CLSTN1: variants seen among roughly 807,000 people sequenced by gnomAD.
The protein encoded by CLSTN1 is calsyntenin 1.
A neutral mutation model predicts 108.3 loss-of-function variants in CLSTN1; 28 were observed. The observed-to-expected ratio is 0.26, with a 90% CI of 0.19 to 0.35. CLSTN1 has a LOEUF of 0.35. CLSTN1 is among the 10% of genes least tolerant of loss of function. CLSTN1 has a pLI of 1.00. For synonymous variants in CLSTN1, 524 were observed against 534.9 expected (o/e 0.98, Z 0.28); for missense variants, 1,157 against 1,302.6 (o/e 0.89, Z 1.72).
chr1:9,782,092 A>C (rs907700521), intron 1 of CLSTN1, among the ~76,000 whole-genome samples: 37 of 152,222 alleles, frequency 2.4e-4, no homozygotes, highest in African/African-American at 8.7e-4. Flanking sequence ...CATTTCTTGC[A>C]ATCTGATCTT....
At chr1:9,792,108 C>T (rs1275655187) in intron 1 of CLSTN1, among the ~76,000 whole-genome samples, 2 of 150,838 alleles carry the variant, frequency 1.3e-5, no homozygotes, top group Non-Finnish European at 2.9e-5. Context: ...TTTGAACCTG[C>T]GAGGTGGAGG....
Position 9,782,271 on chromosome 1 carries a change from G to A in CLSTN1, c.92-8877C>T, listed in dbSNP as rs140602241. Reference sequence around the variant, plus strand: ...AATTCGAATCATTTACAGCTAATGAGAATGTTTTCTTAAAGTTTTATACCC... The same window carrying A: ...AATTCGAATCATTTACAGCTAATGAAAATGTTTTCTTAAAGTTTTATACCC... On this transcript the variant is annotated intron_variant, in intron 1 of 18. Coordinates refer to ENST00000377298, the MANE Select transcript of CLSTN1 (RefSeq NM_001009566.3). Among the ~76,000 whole-genome samples the A allele has an allele frequency of 4.9e-3, 740 of 152,196 alleles. 3 individuals are homozygous for A. The highest frequency in any genetic ancestry group is 0.016 in the African/African-American group (658 of 41,534).
Position 9,730,988 on chromosome 1 carries a change from A to T in CLSTN1, c.2748+218T>A. ...GGATTACCATGACCCAAGAGCGCCAAGCCCTGGCATGGCTCTTCTCTACAC... is the reference window on the plus strand; with the variant it reads ...GGATTACCATGACCCAAGAGCGCCATGCCCTGGCATGGCTCTTCTCTACAC... On this transcript the variant is annotated intron_variant, in intron 18 of 18. Transcript: ENST00000377298. This position sits in a 1 kb window ranked among gnomAD's most constrained non-coding sequence, Gnocchi z 5.6. 1 of 640,408 alleles carries T rather than the reference A, an allele frequency of 1.6e-6. No individual in the cohort carries two copies. The highest frequency in any genetic ancestry group is 2.7e-6 in the Non-Finnish European group (1 of 371,150). The allele number at this position is 640,408 out of a possible 1,614,324, so 39.7% of individuals were successfully genotyped here.
intron 9 of CLSTN1, 81 bp downstream of exon 9, chr1:9,743,803 G>A (rs751550520): frequency 4.5e-5 from 68 of 1,517,922 alleles, no homozygotes; most frequent in Admixed American, 1.1e-4. Context: ...AGCAATCCTC[G>A]TGCCCCAGCC....
rs190589566 is a variant in CLSTN1 at position 9,761,741 on chromosome 1, C to T, written c.215-5231G>A. On this transcript the variant is annotated intron_variant, in intron 2 of 18. Coordinates refer to ENST00000377298, the MANE Select transcript of CLSTN1 (RefSeq NM_001009566.3). ...CCTAATCTGAGGATGGCCCCTCCTA[C>T]ACACGTCTCCCAGCTCTCAGGGGAC... Among the ~76,000 whole-genome samples the T allele has an allele frequency of 2.6e-5, 4 of 152,300 alleles. No individual in the cohort carries two copies. The East Asian group carries it at 7.7e-4, about 29-fold the overall frequency.
chr1:9,802,861 G>A (rs1176172544), intron 1 of CLSTN1, among the ~76,000 whole-genome samples: 1 of 122,024 alleles, frequency 8.2e-6, no homozygotes, highest in African/African-American at 3.0e-5. Context: ...GTCTCACTTT[G>A]TCGCCCAGGC....
chr1:9,816,311 T>C (rs1001706899), intron 1 of CLSTN1, among the ~76,000 whole-genome samples: 16 of 152,056 alleles, frequency 1.1e-4, no homozygotes, highest in South Asian at 6.2e-4. Context: ...AGCAAATCCA[T>C]AGACAGAAAA....
chr1:9,768,037 G>A (rs906276099), intron 2 of CLSTN1, among the ~76,000 whole-genome samples: 5 of 152,160 alleles, frequency 3.3e-5, no homozygotes, highest in African/African-American at 1.2e-4. Flanking sequence ...TTTTACAAAT[G>A]ATGAAATGGA....
Position 9,755,152 on chromosome 1 carries a change from C to T in CLSTN1, c.402G>A (p.Gly134=), listed in dbSNP as rs1391318683. ...TCACGTTGGTGCCATCAGGTCCCTTCCCACAATCATAGGCCTGGATGGTGA... is the reference window on the plus strand; with the variant it reads ...TCACGTTGGTGCCATCAGGTCCCTTTCCACAATCATAGGCCTGGATGGTGA... ...YSFTIQAYDC[G]KGPDGTNVKK... is the part of the protein sequence containing the mutation. The change falls in exon 4 of 19, where the codon GGG becomes GGA. Residue 134 remains glycine (G), a synonymous_variant. Coordinates refer to ENST00000377298, the MANE Select transcript of CLSTN1 (RefSeq NM_001009566.3). 2.5e-6 allele frequency: 4 copies of T among 1,613,620 alleles called. No individual in the cohort carries two copies. The highest frequency in any genetic ancestry group is 3.4e-6 in the Non-Finnish European group (4 of 1,179,752).
chr1:9,760,887 C>A (rs1376588020), intron 2 of CLSTN1, among the ~76,000 whole-genome samples: 2 of 151,888 alleles, frequency 1.3e-5, no homozygotes, highest in Non-Finnish European at 2.9e-5. Flanking sequence ...TGCAGCTCCA[C>A]CACTCGCTAT....
rs1213188244 is a variant in CLSTN1, at chr1:9,790,415, G to A, written c.92-17021C>T. Reference sequence around the variant, plus strand: ...TATGCTGTGACTTTTCTTTTTTAGCGTATTGATTGGTGAATTATTGACTGT... The same window carrying A: ...TATGCTGTGACTTTTCTTTTTTAGCATATTGATTGGTGAATTATTGACTGT... On this transcript the variant is annotated intron_variant, in intron 1 of 18. Coordinates refer to ENST00000377298, the MANE Select transcript of CLSTN1 (RefSeq NM_001009566.3). 4.0e-5 allele frequency among the ~76,000 whole-genome samples: 6 copies of A among 150,812 alleles called. 1 individual carries two copies. The highest frequency in any genetic ancestry group is 4.0e-4 in the East Asian group (2 of 5,052).
Position 9,742,348 on chromosome 1 carries a change from G to A in CLSTN1, c.1357-1092C>T, listed in dbSNP as rs76913211. On this transcript the variant is annotated intron_variant, in intron 9 of 18. Coordinates refer to ENST00000377298, the MANE Select transcript of CLSTN1 (RefSeq NM_001009566.3). The stretch of plus-strand genomic sequence containing the variant: ...TGAAAATTATTAACTAACGTTTGAG[G>A]GGGTGATAAAAATTTTCAGCAGTGA... 4.2e-3 allele frequency among the ~76,000 whole-genome samples: 636 copies of A among 152,092 alleles called. 12 individuals carry two copies. The East Asian group carries it at 0.043, about 10-fold the overall frequency.
At chr1:9,756,643 CT>C in intron 2 of CLSTN1, 133 bp from the exon 3 acceptor site, 1 of 682,054 alleles carries the variant, frequency 1.5e-6, no homozygotes, top group South Asian at 2.0e-5. Flanking sequence ...TCTACGATTG[CT>C]ACAGCAAAAC....
At chr1:9,739,598 C>A (rs2101086703) in intron 10 of CLSTN1, among the ~76,000 whole-genome samples, 1 of 152,210 alleles carries the variant, frequency 6.6e-6, no homozygotes, top group South Asian at 2.1e-4. Flanking sequence ...AATCCCAGTA[C>A]TTTAGGAGGC....
chr1:9,783,927 A>G (rs1653364101), intron 1 of CLSTN1, among the ~76,000 whole-genome samples: 1 of 152,024 alleles, frequency 6.6e-6, no homozygotes, highest in Non-Finnish European at 1.5e-5. Flanking sequence ...TGGGAGGCAG[A>G]GGTTGCAGGG....
intron 10 of CLSTN1, 137 bp downstream of exon 10, chr1:9,740,957 G>A: frequency 2.1e-6 from 2 of 956,970 alleles, no homozygotes; most frequent in Non-Finnish European, 3.1e-6. Flanking sequence ...CAAAAAGGCT[G>A]TACACAGGAA....
chr1:9,731,891 A>C lies in CLSTN1; in HGVS notation c.2433T>G (p.Asn811Lys). The C allele has an allele frequency of 6.2e-7, 1 of 1,614,160 alleles. No individual in the cohort carries two copies. Among genetic ancestry groups the C allele is most frequent in the Non-Finnish European group, 8.5e-7 (1 of 1,180,036 alleles). ...YISNEFKVEV[N>K]VIHTANPMEH... ...CCATGGGGTTGGCCGTGTGGATTAC[A>C]TTCACCTATAGCAGAGAAAGAGAGG... The change falls in exon 17 of 19, where the codon AAT becomes AAG. Residue 811 changes from asparagine (N) to lysine (K), a missense_variant. Coordinates refer to ENST00000377298, the MANE Select transcript of CLSTN1 (RefSeq NM_001009566.3).
intron 2 of CLSTN1, among the ~76,000 whole-genome samples, chr1:9,758,396 C>G (rs548420310): frequency 2.0e-5 from 3 of 152,260 alleles, no homozygotes; most frequent in African/African-American, 7.2e-5. Context: ...TCACTGCAAC[C>G]TCCACTTTCT....
intron 1 of CLSTN1, among the ~76,000 whole-genome samples, chr1:9,783,041 C>G (rs1330716557): frequency 2.0e-5 from 3 of 152,020 alleles, no homozygotes; most frequent in Non-Finnish European, 4.4e-5. Flanking sequence ...TGGACCCATG[C>G]CTAAGTCTCA....
Sources: allele counts gnomAD v4.1 joint callset (sites outside exome capture counted in the v4.1 genomes callset), GRCh38; gene constraint gnomAD v4.1.1; non-coding constraint Gnocchi (gnomAD v3.1); transcripts MANE v1.5; gene names NCBI Gene and HGNC (gene_info 2026-07-23, HGNC 2026-07-21).